The following GNG2 variants were observed in gnomAD, a reference collection of about 807,000 sequenced individuals.
GNG2 encodes the protein G protein subunit gamma 2, also known as guanine nucleotide-binding protein G(I)/G(S)/G(O) subunit gamma-2.
A neutral mutation model predicts 5.5 loss-of-function variants in GNG2; 5 were observed. That is an observed-to-expected ratio of 0.91 (90% CI 0.48 to 1.92). The LOEUF is 1.92. Ranked by LOEUF, GNG2 falls within the 30% of genes most tolerant of loss-of-function variation. The pLI, the probability that GNG2 is intolerant of heterozygous loss-of-function variation, is 0.01. For synonymous variants in GNG2, 28 were observed against 32.0 expected (o/e 0.88, Z 0.42); for missense variants, 55 against 88.4 (o/e 0.62, Z 1.52).
intron 2 of GNG2, among the ~76,000 whole-genome samples, chr14:51,919,039 G>A (rs1451670690): frequency 6.6e-6 from 1 of 152,104 alleles, no homozygotes; most frequent in Non-Finnish European, 1.5e-5. Context: ...TGGTCAGGCT[G>A]GTCTCGAACT....
chr14:51,878,368 T>A (rs1224856542), intron 2 of GNG2, among the ~76,000 whole-genome samples: 1 of 152,172 alleles, frequency 6.6e-6, no homozygotes, highest in Non-Finnish European at 1.5e-5. Context: ...AATGAACGCC[T>A]ACATCCCCAT....
chr14:51,929,405 G>T (rs1369103272), intron 2 of GNG2, among the ~76,000 whole-genome samples: 1 of 152,198 alleles, frequency 6.6e-6, no homozygotes, highest in Non-Finnish European at 1.5e-5. Context: ...AGGATGCTGA[G>T]AATCAAGAGG....
chr14:51,918,737 A>G (rs1038524088), intron 2 of GNG2, among the ~76,000 whole-genome samples: 1 of 152,214 alleles, frequency 6.6e-6, no homozygotes, highest in African/African-American at 2.4e-5. Context: ...TACTGCCTTC[A>G]TTGTAAAAGG....
chr14:51,889,148 TG>T (rs1884665767), intron 2 of GNG2, among the ~76,000 whole-genome samples: 1 of 148,654 alleles, frequency 6.7e-6, no homozygotes, highest in Non-Finnish European at 1.5e-5. Flanking sequence ...AGTCTCGCTC[TG>T]TCGCCTAGGC....
intron 2 of GNG2, among the ~76,000 whole-genome samples, chr14:51,916,896 G>A (rs1378949827): frequency 6.6e-6 from 1 of 152,220 alleles, no homozygotes; most frequent in African/African-American, 2.4e-5. Flanking sequence ...TGGGATGAAG[G>A]TAGCATTATC....
intron 2 of GNG2, among the ~76,000 whole-genome samples, chr14:51,881,794 CT>C (rs911274745): frequency 7.5e-4 from 76 of 100,724 alleles, no homozygotes; most frequent in South Asian, 6.1e-3. Context: ...TATTTCAATT[CT>C]TTTTTTTTTC....
chr14:51,850,509 C>T (rs184917552), intron 2 of GNG2, among the ~76,000 whole-genome samples: 1 of 152,060 alleles, frequency 6.6e-6, no homozygotes, highest in South Asian at 2.1e-4. Context: ...TACTGACAGT[C>T]GGAGGAAAAG....
intron 2 of GNG2, among the ~76,000 whole-genome samples, chr14:51,907,052 GC>G (rs1210759503): frequency 3.3e-5 from 5 of 152,170 alleles, no homozygotes; most frequent in African/African-American, 9.7e-5. Context: ...ACCGTGCCCG[GC>G]CGCTGGAGAA....
At chr14:51,850,951 T>C (rs1881880081) in intron 2 of GNG2, among the ~76,000 whole-genome samples, 1 of 152,170 alleles carries the variant, frequency 6.6e-6, no homozygotes, top group Non-Finnish European at 1.5e-5. Flanking sequence ...CCTCCAACAC[T>C]GGGAATTACA....
intron 2 of GNG2, among the ~76,000 whole-genome samples, chr14:51,938,803 C>A (rs976491235): frequency 2.0e-5 from 3 of 152,156 alleles, no homozygotes; most frequent in Non-Finnish European, 4.4e-5. Flanking sequence ...CCTAAGAGAC[C>A]ATCTAAGCAA....
At chr14:51,961,723 T>C (rs1889625707) in intron 3 of GNG2, among the ~76,000 whole-genome samples, 1 of 152,068 alleles carries the variant, frequency 6.6e-6, no homozygotes, top group South Asian at 2.1e-4. Flanking sequence ...AGCCAACCCA[T>C]TGAGGAGATG....
intron 2 of GNG2, among the ~76,000 whole-genome samples, chr14:51,849,173 T>C (rs1028499300): frequency 2.6e-5 from 4 of 152,200 alleles, no homozygotes; most frequent in African/African-American, 9.6e-5. Flanking sequence ...CTCGCTTACA[T>C]GGCTGGCAAG....
intron 1 of GNG2, among the ~76,000 whole-genome samples, chr14:51,868,328 G>GA (rs1159042315): frequency 1.3e-5 from 2 of 151,990 alleles, no homozygotes; most frequent in South Asian, 2.1e-4. Flanking sequence ...AGGGTAGTTT[G>GA]AAAAAAATAT....
intron 2 of GNG2, among the ~76,000 whole-genome samples, chr14:51,935,026 T>TTG (rs1887899397): frequency 2.2e-5 from 1 of 44,932 alleles, no homozygotes; most frequent in Admixed American, 1.7e-4. Context: ...AGTTTCTTTC[T>TTG]TTTTTTTTTT....
At chr14:51,851,409 T>C (rs566990808) in intron 2 of GNG2, among the ~76,000 whole-genome samples, 1 of 152,288 alleles carries the variant, frequency 6.6e-6, no homozygotes, top group Admixed American at 6.5e-5. Context: ...TTGACTCTTA[T>C]ACTAAGAGTA....
intron 1 of GNG2, among the ~76,000 whole-genome samples, chr14:51,865,183 G>T (rs1041105445): frequency 2.6e-5 from 4 of 152,082 alleles, no homozygotes; most frequent in Non-Finnish European, 5.9e-5. Flanking sequence ...GTGGAGGGAA[G>T]TTTGCAAATA....
At chr14:51,895,521 A>G (rs1177333387) in intron 2 of GNG2, among the ~76,000 whole-genome samples, 1 of 152,238 alleles carries the variant, frequency 6.6e-6, no homozygotes, top group East Asian at 1.9e-4. Context: ...GAAATCCTAA[A>G]CATCTGGAAA....
At chr14:51,860,100 C>CAAGCT (rs1882359177), upstream of GNG2, among the ~76,000 whole-genome samples, 2 of 151,272 alleles carry the variant, frequency 1.3e-5, no homozygotes, top group African/African-American at 4.9e-5. Flanking sequence ...TGAGAAGCTG[C>CAAGCT]AAGCTGCAAG....
intron 2 of GNG2, among the ~76,000 whole-genome samples, chr14:51,898,710 A>G (rs1479240522): frequency 6.6e-6 from 1 of 152,168 alleles, no homozygotes; most frequent in Non-Finnish European, 1.5e-5. Flanking sequence ...TAACGTTCCA[A>G]CCTCTGAGAT....
Sources: gnomAD v4.1 joint callset for allele counts (sites outside exome capture counted in the v4.1 genomes callset) on GRCh38, gnomAD v4.1.1 for gene constraint, MANE v1.5 for transcripts, NCBI Gene and HGNC (gene_info 2026-07-23, HGNC 2026-07-21) for gene names.